The following FAM107A variants were observed in gnomAD, a reference collection of about 807,000 sequenced individuals.
FAM107A encodes the protein family with sequence similarity 107 member A.
In FAM107A, 19 loss-of-function variants were observed where a neutral mutation model predicts 13.7. That is an observed-to-expected ratio of 1.38 (90% CI 0.97 to 2.03). The LOEUF is 2.03. FAM107A is among the 30% of genes most tolerant of loss of function. The pLI is 0.00. For missense variants in FAM107A, 203 were observed against 184.4 expected, an observed-to-expected ratio of 1.10 and a Z score of -0.58; for synonymous variants, 82 against 74.5, an observed-to-expected ratio of 1.10 and a Z score of -0.52.
intron 1 of FAM107A, among the ~76,000 whole-genome samples, chr3:58,619,238 T>C (rs1227414028): frequency 6.6e-6 from 1 of 152,192 alleles, no homozygotes; most frequent in African/African-American, 2.4e-5. Context: ...TGGGCTCAAG[T>C]GATCCTCCCT....
chr3:58,624,228 A>G (rs1027082099), intron 1 of FAM107A, among the ~76,000 whole-genome samples: 2 of 152,160 alleles, frequency 1.3e-5, no homozygotes, highest in Non-Finnish European at 2.9e-5. Context: ...AAGTTTCTGG[A>G]ATGTTCCAAA....
chr3:58,626,819 CT>C (rs2066022642), intron 1 of FAM107A, among the ~76,000 whole-genome samples: 1 of 152,182 alleles, frequency 6.6e-6, no homozygotes, highest in African/African-American at 2.4e-5. Flanking sequence ...TGCCTGCTTT[CT>C]AGATGCAAGT....
chr3:58,620,231 G>A (rs2065940031), intron 1 of FAM107A, among the ~76,000 whole-genome samples: 1 of 152,208 alleles, frequency 6.6e-6, no homozygotes, highest in Non-Finnish European at 1.5e-5. Context: ...CTCTGTGAGT[G>A]TGATGGGGTT....
chr3:58,618,002 G>A (rs1559487969), intron 1 of FAM107A, among the ~76,000 whole-genome samples: 1 of 152,198 alleles, frequency 6.6e-6, no homozygotes, highest in East Asian at 1.9e-4. Context: ...ACCTCTTTGA[G>A]TCGAGCGTCT....
rs926288526 is a variant in FAM107A, at chr3:58,565,078, G to C, written c.*1510C>G. The C allele has an allele frequency of 6.6e-6, 1 of 152,248 alleles. No individual in the cohort carries two copies. The highest frequency in any genetic ancestry group is 2.4e-5 in the African/African-American group (1 of 41,456). 9.4% of individuals were successfully genotyped at this position (152,248 alleles called of 1,614,324 possible). ...GAAAGTGAAAGGAGATGCTATTCCA[G>C]CACTGCTCTGTCACCTTAGATGATG... On this transcript the variant is annotated 3_prime_UTR_variant, in exon 4 of 4. Transcript: ENST00000360997.
chr3:58,616,157 A>G, intron 1 of FAM107A, among the ~76,000 whole-genome samples: 1 of 151,994 alleles, frequency 6.6e-6, no homozygotes, highest in Admixed American at 6.6e-5. Context: ...AGAAGAGGGG[A>G]TCAGATTCAG....
chr3:58,618,063 G>A (rs546376667), intron 1 of FAM107A, among the ~76,000 whole-genome samples: 64 of 152,250 alleles, frequency 4.2e-4, no homozygotes, highest in Non-Finnish European at 7.6e-4. Flanking sequence ...TTTGTGGTGA[G>A]GATTCCATGG....
At chr3:58,597,792 TTCG>T (rs2065720416) in intron 1 of FAM107A, among the ~76,000 whole-genome samples, 1 of 152,166 alleles carries the variant, frequency 6.6e-6, no homozygotes, top group Non-Finnish European at 1.5e-5. Context: ...AGCTGAGGCC[TTCG>T]GCAGGTTAAG....
At chr3:58,580,552 C>G (rs1435596674), upstream of FAM107A, among the ~76,000 whole-genome samples, 4 of 151,592 alleles carry the variant, frequency 2.6e-5, no homozygotes, top group African/African-American at 9.7e-5. Context: ...GTAGCTGAGA[C>G]TACAGACACA....
At chr3:58,593,608 TTA>T (rs2065673024) in intron 1 of FAM107A, among the ~76,000 whole-genome samples, 1 of 152,018 alleles carries the variant, frequency 6.6e-6, no homozygotes, top group African/African-American at 2.4e-5. Flanking sequence ...CTACTCACTC[TTA>T]TCCTTGCCCC....
intron 1 of FAM107A, among the ~76,000 whole-genome samples, chr3:58,620,140 C>T (rs527291932): frequency 5.3e-5 from 8 of 152,286 alleles, no homozygotes; most frequent in South Asian, 2.1e-4. Context: ...AAAAATCAAA[C>T]GGCCTCCCTT....
At chr3:58,590,468 G>A (rs181914246), upstream of FAM107A, among the ~76,000 whole-genome samples, 1 of 152,320 alleles carries the variant, frequency 6.6e-6, no homozygotes, top group Non-Finnish European at 1.5e-5. Flanking sequence ...TTTGTTCTCT[G>A]TATTAGTCAG....
chr3:58,589,220 C>T (rs748621919), upstream of FAM107A: 57 of 1,534,932 alleles, frequency 3.7e-5, no homozygotes, highest in South Asian at 6.7e-4. Flanking sequence ...GCCATTTCGT[C>T]TCTGCTTCTC....
chr3:58,594,095 C>T (rs2065678535), intron 1 of FAM107A, among the ~76,000 whole-genome samples: 1 of 152,106 alleles, frequency 6.6e-6, no homozygotes. Context: ...TCTCTATGCT[C>T]TTTCCCTCTT....
chr3:58,586,848 T>G (rs1174680332), intron 1 of FAM107A: 11 of 1,524,518 alleles, frequency 7.2e-6, no homozygotes, highest in Non-Finnish European at 8.8e-6. Context: ...GTGGCGTTGC[T>G]CCCACTTACC....
chr3:58,611,836 G>C (rs953923023), intron 1 of FAM107A, among the ~76,000 whole-genome samples: 1 of 152,188 alleles, frequency 6.6e-6, no homozygotes, highest in Non-Finnish European at 1.5e-5. Flanking sequence ...TATTTGGATA[G>C]AGTTCTGCAC....
upstream of FAM107A, among the ~76,000 whole-genome samples, chr3:58,579,335 C>T (rs773973633): frequency 3.6e-4 from 55 of 152,050 alleles, no homozygotes; most frequent in Admixed American, 1.3e-4. Flanking sequence ...GTCTTGGCCA[C>T]GCTGACCATT....
rs1436752726 is a variant in FAM107A, at chr3:58,564,290, G to A, written c.*2298C>T. The A allele has an allele frequency of 2.0e-5, 3 of 152,180 alleles. No homozygotes were observed. The highest frequency in any genetic ancestry group is 2.9e-5 in the Non-Finnish European group (2 of 68,044). 9.4% of individuals were successfully genotyped at this position (152,180 alleles called of 1,614,324 possible). On this transcript the variant is annotated 3_prime_UTR_variant, in exon 4 of 4. Transcript: ENST00000360997. This position sits in a 1 kb window ranked among gnomAD's most constrained non-coding sequence, Gnocchi z 5.6. ...GGCATCACACCCTCAATCAAGGTAG[G>A]AAGAAGAGGCCCAGGGAGGTGTTAG...
chr3:58,611,732 G>A (rs2065856207), intron 1 of FAM107A, among the ~76,000 whole-genome samples: 1 of 152,224 alleles, frequency 6.6e-6, no homozygotes, highest in African/African-American at 2.4e-5. Flanking sequence ...GCCTTCACAA[G>A]GCACCTGACT....
Sources: gnomAD v4.1 joint callset for allele counts (sites outside exome capture counted in the v4.1 genomes callset) on GRCh38, gnomAD v4.1.1 for gene constraint, Gnocchi (gnomAD v3.1) non-coding constraint, MANE v1.5 for transcripts, NCBI Gene and HGNC (gene_info 2026-07-23, HGNC 2026-07-21) for gene names.